The following LYST variants were observed in gnomAD, a reference collection of about 807,000 sequenced individuals.
LYST encodes the protein lysosomal-trafficking regulator.
A neutral mutation model predicts 413.6 loss-of-function variants in LYST; 192 were observed. That is an observed-to-expected ratio of 0.46 (90% confidence interval 0.41 to 0.52). LYST has a LOEUF of 0.52. Among genes scored for constraint, LYST ranks in the 20% least tolerant of loss-of-function variants. LYST has a pLI of 0.00. For synonymous variants in LYST, 1,525 were observed against 1,567.3 expected, an observed-to-expected ratio of 0.97 and a Z score of 0.64; for missense variants, 3,815 against 4,499.9, an observed-to-expected ratio of 0.85 and a Z score of 4.35.
intron 44 of LYST, 131 bp downstream of exon 44, chr1:235,708,960 G>A: frequency 1.3e-6 from 1 of 787,514 alleles, no homozygotes; most frequent in Non-Finnish European, 2.1e-6. Flanking sequence ...AAAATCTTAG[G>A]TGACAGTTTA....
At position 235,759,236 on chromosome 1, in the gene LYST, T is replaced by A. The variant is rs1290862681; in HGVS notation, c.6617A>T (p.Gln2206Leu). 1 of 1,614,174 alleles carries A rather than the reference T, an allele frequency of 6.2e-7. No individual in the cohort carries two copies. Among genetic ancestry groups the A allele is most frequent in the South Asian group, 1.1e-5 (1 of 91,086 alleles). Residue 2206 changes from glutamine (Q) to leucine (L), a missense_variant, in exon 23 of 53, where the codon CAG (glutamine) becomes CTG (leucine). By Grantham distance (113) the Gln-to-Leu change is moderately radical. Around this residue, in one of 4 missense-constraint regions of LYST, gnomAD observed 771 missense variants for 837.1 expected, o/e 0.92. Transcript: ENST00000389793. ...GFPVVKADHKQLGAEPRSEDD... is the reference protein window; with the variant it reads ...GFPVVKADHKLLGAEPRSEDD... ...TTCTGACCTGGGTTCTGCTCCCAAC[T>A]GTTTATGATCTGCTTTGACCACTGG... is the stretch of plus-strand genomic sequence containing the variant.
chr1:235,788,938 A>G, intron 12 of LYST, 93 bp from the exon 13 acceptor site: 1 of 1,159,604 alleles, frequency 8.6e-7, no homozygotes, highest in South Asian at 1.3e-5. Context: ...AAATTTGTTC[A>G]TTTGTAGTAG....
chr1:235,672,054 G>A (rs1039739661), intron 50 of LYST, among the ~76,000 whole-genome samples: 1 of 152,140 alleles, frequency 6.6e-6, no homozygotes, highest in African/African-American at 2.4e-5. Flanking sequence ...GAAAGAAGGA[G>A]AAGAGTAAAG....
At chr1:235,760,647 G>A (rs1041125009) in intron 22 of LYST, among the ~76,000 whole-genome samples, 1 of 152,196 alleles carries the variant, frequency 6.6e-6, no homozygotes, top group Admixed American at 6.5e-5. Context: ...CAGAATGTAT[G>A]AGAGAGGGGC....
In LYST at chr1:235,809,755, C is replaced by T. The variant is rs1331975597; in HGVS notation, c.1063G>A (p.Glu355Lys). ...MPENLRKNLT[E>K]LLRAALKIRI... is the part of the protein sequence containing the mutation. ...ATTTTTAAAGCTGCTCTAAGCAATT[C>T]AGTTAAATTTTTCCTAAGATTTTCT... is the stretch of plus-strand genomic sequence containing the variant. The change falls in exon 5 of 53, where the codon GAA (glutamate) becomes AAA (lysine). Residue 355 changes from glutamate (E) to lysine (K), a missense_variant. Glu to Lys is a moderately conservative substitution (Grantham distance 56). This residue lies in a region of LYST where 1,648 missense variants were observed against 1,810.3 expected (regional missense o/e 0.91). Transcript: ENST00000389793. The surrounding 1 kb of genome is among the most constrained non-coding windows in gnomAD (Gnocchi z 4.0). 5 of 1,614,022 alleles carry T rather than the reference C, an allele frequency of 3.1e-6. No individual in the cohort carries two copies. In the South Asian group the frequency reaches 4.4e-5, roughly 14 times the overall value.
At chr1:235,773,773 A>G in intron 19 of LYST, 69 bp downstream of exon 19, 2 of 1,292,336 alleles carry the variant, frequency 1.5e-6, no homozygotes, top group Non-Finnish European at 2.2e-6. Context: ...AAAATGCTTA[A>G]GATGGTAAAT....
intron 21 of LYST, among the ~76,000 whole-genome samples, chr1:235,765,110 C>G (rs1468968941): frequency 6.6e-6 from 1 of 152,198 alleles, no homozygotes; most frequent in African/African-American, 2.4e-5. Flanking sequence ...CTCCTTATAA[C>G]CTACCCTTCC....
chr1:235,721,611 A>G (rs1663373650), intron 39 of LYST, among the ~76,000 whole-genome samples: 2 of 152,196 alleles, frequency 1.3e-5, no homozygotes, highest in Admixed American at 6.5e-5. Flanking sequence ...AGCCACAGAT[A>G]TGGATAATGA....
rs1424931059 is a variant in LYST, at chr1:235,734,538, T to C, written c.8480A>G (p.Lys2827Arg). The C allele has an allele frequency of 6.2e-7, 1 of 1,613,760 alleles. No individual in the cohort carries two copies. The highest frequency in any genetic ancestry group is 8.5e-7 in the Non-Finnish European group (1 of 1,179,692). Reference protein sequence around the residue: ...LMNALKLCGHKCIPPSASTKA... With the variant: ...LMNALKLCGHRCIPPSASTKA... ...TGTTGATGCACTGGGAGGGATGCAC[T>C]TGTGACCACATAACTTCAAAGCATT... Residue 2827 changes from lysine (K) to arginine (R), a missense_variant, in exon 32 of 53, where the codon AAG becomes AGG. By Grantham distance (26) the Lys-to-Arg change is conservative. Transcript: ENST00000389793.
upstream of LYST, among the ~76,000 whole-genome samples, chr1:235,868,930 G>A (rs1478691407): frequency 6.6e-6 from 1 of 151,992 alleles, no homozygotes; most frequent in African/African-American, 2.4e-5. Context: ...CCTGACCTCA[G>A]GTGATCCACC....
At chr1:235,863,140 C>T (rs1281415822) in intron 1 of LYST, among the ~76,000 whole-genome samples, 1 of 152,122 alleles carries the variant, frequency 6.6e-6, no homozygotes, top group Non-Finnish European at 1.5e-5. Flanking sequence ...CGCCTGTAAT[C>T]CAGGCACAGT....
At chr1:235,814,257 C>T (rs1673796282) in intron 3 of LYST, among the ~76,000 whole-genome samples, 1 of 151,972 alleles carries the variant, frequency 6.6e-6, no homozygotes. Flanking sequence ...CGTCTATGCA[C>T]TATCCTAATG....
intron 42 of LYST, among the ~76,000 whole-genome samples, chr1:235,714,800 C>T (rs919247904): frequency 1.5e-4 from 23 of 152,220 alleles, no homozygotes; most frequent in African/African-American, 5.5e-4. Context: ...CAATAATGTA[C>T]TTGCCTTTAT....
chr1:235,806,595 CT>C lies in LYST; in HGVS notation c.2540del (p.Lys847ArgfsTer52), dbSNP rs1672863537. 6.2e-7 allele frequency: 1 copy of C among 1,614,060 alleles called. No homozygotes were observed. The highest frequency in any genetic ancestry group is 1.7e-5 in the Admixed American group (1 of 60,004). Reference protein sequence around the residue: ...PDIDGIDIEQKELSSVHVGTS... With the variant: ...PDIDGIDIEQXELSSVHVGTS... ...TACCCACATGTACAGAGGACAACTC[CT>C]TCTGTTCAATGTCTATCCCATCAAT... On this transcript the variant is annotated frameshift_variant, in exon 6 of 53. Coordinates refer to ENST00000389793, the MANE Select transcript of LYST (RefSeq NM_000081.4). LOFTEE classifies it high-confidence loss of function.
At chr1:235,879,849 G>T (rs940835437) in intron 1 of LYST, among the ~76,000 whole-genome samples, 1 of 151,736 alleles carries the variant, frequency 6.6e-6, no homozygotes, top group African/African-American at 2.4e-5. Flanking sequence ...TCATTCTCCT[G>T]CCTTAGCCTC....
At chr1:235,881,395 A>G (rs976822780) in intron 1 of LYST, among the ~76,000 whole-genome samples, 2 of 152,356 alleles carry the variant, frequency 1.3e-5, no homozygotes, top group African/African-American at 4.8e-5. Flanking sequence ...TTGAAGATGC[A>G]TATTTAACAT....
intron 40 of LYST, among the ~76,000 whole-genome samples, chr1:235,717,972 T>C (rs1319900378): frequency 3.9e-5 from 6 of 151,936 alleles, no homozygotes; most frequent in Non-Finnish European, 8.8e-5. Flanking sequence ...CAAGCCATTC[T>C]CTTGCCTCAG....
At chr1:235,846,099 A>AC (rs1677826615) in intron 1 of LYST, among the ~76,000 whole-genome samples, 1 of 152,160 alleles carries the variant, frequency 6.6e-6, no homozygotes, top group African/African-American at 2.4e-5. Flanking sequence ...CACCAAAGCT[A>AC]AGGACCCTCA....
chr1:235,693,021 TA>T (rs1416360481), intron 47 of LYST, among the ~76,000 whole-genome samples: 5 of 141,496 alleles, frequency 3.5e-5, no homozygotes, highest in Non-Finnish European at 6.1e-5. Context: ...ACTCTAAAAT[TA>T]AAAAAAAAGT....
Sources: gnomAD v4.1 joint callset for allele counts (sites outside exome capture counted in the v4.1 genomes callset) on GRCh38, gnomAD v4.1.1 for gene constraint, gnomAD v4.1.1 regional missense constraint, Gnocchi (gnomAD v3.1) non-coding constraint, MANE v1.5 for transcripts, NCBI Gene and HGNC (gene_info 2026-07-23, HGNC 2026-07-21) for gene names.